The following ZNF384 variants were observed in gnomAD, a reference collection of about 807,000 sequenced individuals.
ZNF384 encodes the protein CAG repeat protein 1.
ZNF384 carries 20 observed loss-of-function variants against 65.0 expected under a neutral mutation model. The observed-to-expected ratio is 0.31, with a 90% CI of 0.22 to 0.45. The LOEUF is 0.45. Among genes scored for constraint, ZNF384 ranks in the 20% least tolerant of loss-of-function variants. The pLI is 1.00. For synonymous variants in ZNF384, 310 were observed against 303.9 expected (o/e 1.02, Z -0.21); for missense variants, 549 against 769.4 (o/e 0.71, Z 3.39).
rs911986059 is a variant in ZNF384 at position 6,681,170 on chromosome 12, G to C, written c.-5-1645C>G. 1.0e-4 allele frequency among the ~76,000 whole-genome samples: 15 copies of C among 146,808 alleles called. No homozygotes were observed. The Admixed American group carries it at 1.0e-3, about 10-fold the overall frequency. ...GGAGGCGGAGGTTGCAGTGAGCCAAGATTGCGCCATTGCCTGGGCAACAAG... is the reference window on the plus strand; with the variant it reads ...GGAGGCGGAGGTTGCAGTGAGCCAACATTGCGCCATTGCCTGGGCAACAAG... On this transcript the variant is annotated intron_variant, in intron 2 of 11. Coordinates refer to ENST00000683879, the MANE Select transcript of ZNF384 (RefSeq NM_001385745.1).
At chr12:6,674,133 G>A (rs969934173) in intron 7 of ZNF384, among the ~76,000 whole-genome samples, 1 of 152,192 alleles carries the variant, frequency 6.6e-6, no homozygotes, top group African/African-American at 2.4e-5. Context: ...GCTAGGGGAA[G>A]GTGCCATCCC....
At chr12:6,681,548 G>A (rs144662067) in intron 2 of ZNF384, among the ~76,000 whole-genome samples, 165 of 152,298 alleles carry the variant, frequency 1.1e-3, no homozygotes, top group African/African-American at 3.9e-3. Context: ...GGGAAGACCC[G>A]TGACAGGCAA....
In ZNF384 at chr12:6,672,685, A is replaced by AGAGG. The variant is rs1366906768; in HGVS notation, c.1005-157_1005-154dup. Reference sequence around the variant, plus strand: ...CACTCCAGCCTGGATAGGCAAATGAAGAGGACACCCAGATCTAGGTTGTTG... The same window carrying AGAGG: ...CACTCCAGCCTGGATAGGCAAATGAAGAGGGAGGACACCCAGATCTAGGTTGTTG... On this transcript the variant is annotated intron_variant, in intron 8 of 11. Coordinates refer to ENST00000683879, the MANE Select transcript of ZNF384 (RefSeq NM_001385745.1). The surrounding 1 kb of genome is among the most constrained non-coding windows in gnomAD (Gnocchi z 4.4). Among the ~76,000 whole-genome samples, 1 of 152,140 alleles carries AGAGG rather than the reference A, an allele frequency of 6.6e-6. No individual in the cohort carries two copies. Among genetic ancestry groups the AGAGG allele is most frequent in the African/African-American group, 2.4e-5 (1 of 41,426 alleles).
intron 9 of ZNF384, 83 bp from the exon 10 acceptor site, chr12:6,670,921 C>A: frequency 7.8e-7 from 1 of 1,277,808 alleles, no homozygotes. Flanking sequence ...CCAGGCCCAT[C>A]CTGCTCTCCT....
At chr12:6,677,820 C>A (rs1033498983) in intron 6 of ZNF384, among the ~76,000 whole-genome samples, 7 of 152,110 alleles carry the variant, frequency 4.6e-5, no homozygotes, top group Non-Finnish European at 1.0e-4. Flanking sequence ...AGCCAAGAGT[C>A]TCAAACCCAG....
In ZNF384 at chr12:6,678,459, A is replaced by C; in HGVS notation, c.354T>G (p.Gly118=). 1 of 1,577,294 alleles carries C rather than the reference A, an allele frequency of 6.3e-7. No homozygotes were observed. Among genetic ancestry groups the C allele is most frequent in the Non-Finnish European group, 8.6e-7 (1 of 1,160,386 alleles). ...AGGGGGACGTGATTACCAAACCCGG[A>C]CCTAGGATTGGGAGAAAAAGGAGAT... The part of the protein sequence containing the change: ...RWRREGSQSR[G]PGLVITSPSG... Residue 118 remains glycine (G), a splice_region_variant and synonymous_variant, in exon 6 of 12, where the codon GGT becomes GGG. Coordinates refer to ENST00000683879, the MANE Select transcript of ZNF384 (RefSeq NM_001385745.1). The surrounding 1 kb of genome is among the most constrained non-coding windows in gnomAD (Gnocchi z 4.9).
At position 6,678,530 on chromosome 12, in the gene ZNF384, C is replaced by G; in HGVS notation, c.353-70G>C. 6.5e-7 allele frequency: 1 copy of G among 1,538,506 alleles called. No homozygotes were observed. The highest frequency in any genetic ancestry group is 8.9e-7 in the Non-Finnish European group (1 of 1,128,144). ...TGATCCTAATCCTATTTCATTTCCC[C>G]CAGATCATTGTCTAATTAACCCCTC... On this transcript the variant is annotated intron_variant, in intron 5 of 11. Transcript: ENST00000683879. The surrounding 1 kb of genome is among the most constrained non-coding windows in gnomAD (Gnocchi z 4.9).
At chr12:6,682,511 G>A (rs1387484918) in intron 2 of ZNF384, among the ~76,000 whole-genome samples, 1 of 152,152 alleles carries the variant, frequency 6.6e-6, no homozygotes, top group Non-Finnish European at 1.5e-5. Context: ...TGCCAGGCAT[G>A]GTGGCAGGTG....
chr12:6,670,049 CT>C (rs1950943775), intron 10 of ZNF384, among the ~76,000 whole-genome samples: 1 of 152,150 alleles, frequency 6.6e-6, no homozygotes, highest in Admixed American at 6.5e-5. Flanking sequence ...ACATGTAACC[CT>C]TACAGAGGTT....
rs1255605731 is a variant in ZNF384 at position 6,673,796 on chromosome 12, T to C, written c.780-356A>G. Among the ~76,000 whole-genome samples the C allele has an allele frequency of 6.6e-6, 1 of 152,230 alleles. No individual in the cohort carries two copies. Among genetic ancestry groups the C allele is most frequent in the Non-Finnish European group, 1.5e-5 (1 of 68,044 alleles). On this transcript the variant is annotated intron_variant, in intron 7 of 11. Coordinates refer to ENST00000683879, the MANE Select transcript of ZNF384 (RefSeq NM_001385745.1). The surrounding 1 kb of genome is among the most constrained non-coding windows in gnomAD (Gnocchi z 4.7). ...AGCTTGATTTCAAACATTTAAGGAA[T>C]TCCTTGCTCTGATGTTCCTATGTAT...
chr12:6,681,150 C>A (rs1353720660), intron 2 of ZNF384, among the ~76,000 whole-genome samples: 1 of 146,408 alleles, frequency 6.8e-6, no homozygotes, highest in African/African-American at 2.5e-5. Context: ...ACCCAGGAGG[C>A]GGAGGTTGCA....
chr12:6,679,424 T>C, intron 3 of ZNF384, 31 bp downstream of exon 3: 2 of 1,605,730 alleles, frequency 1.2e-6, no homozygotes, highest in East Asian at 2.2e-5. Flanking sequence ...CTACTGAGAC[T>C]TGGAGAGAGC....
rs1422508247 is a variant in ZNF384 at position 6,679,039 on chromosome 12, A to C, written c.211T>G (p.Ser71Ala). Residue 71 changes from serine (S) to alanine (A), a missense_variant, in exon 4 of 12, where the codon TCC becomes GCC. By Grantham distance (99) the Ser-to-Ala change is moderately conservative (BLOSUM62 1). Transcript: ENST00000683879. ...TGTGGGGTCAGCTGGTCTGACTTGG[A>C]CTCTGTGTCCATACTGATGCCTGAG... ...LPSGISMDTE[S>A]KSDQLTPHSQ... 6.2e-7 allele frequency: 1 copy of C among 1,613,290 alleles called. No individual in the cohort carries two copies. The highest frequency in any genetic ancestry group is 2.2e-5 in the East Asian group (1 of 44,844).
At position 6,678,119 on chromosome 12, in the gene ZNF384, A is replaced by G. The variant is rs778076119; in HGVS notation, c.686+8T>C. On this transcript the variant is annotated splice_region_variant and intron_variant, in intron 6 of 11. Transcript: ENST00000683879. The surrounding 1 kb of genome is among the most constrained non-coding windows in gnomAD (Gnocchi z 4.9). Reference sequence around the variant, plus strand: ...TCGCCCCATCCTGCCCCTGGCTCTGAGTCTTACCTGTAGGTCTTGCCGTCT... The same window carrying G: ...TCGCCCCATCCTGCCCCTGGCTCTGGGTCTTACCTGTAGGTCTTGCCGTCT... 1.2e-6 allele frequency: 2 copies of G among 1,605,680 alleles called. No individual in the cohort carries two copies. The highest frequency in any genetic ancestry group is 1.7e-6 in the Non-Finnish European group (2 of 1,174,160).
At chr12:6,685,804 A>C (rs905481750) in intron 2 of ZNF384, among the ~76,000 whole-genome samples, 2 of 151,004 alleles carry the variant, frequency 1.3e-5, no homozygotes, top group Non-Finnish European at 3.0e-5. Flanking sequence ...AAAAAAAAGA[A>C]GGCAGGTTTA....
At chr12:6,669,794 G>A (rs1313122863) in intron 10 of ZNF384, among the ~76,000 whole-genome samples, 1 of 152,004 alleles carries the variant, frequency 6.6e-6, no homozygotes, top group East Asian at 1.9e-4. Context: ...GAGCCACCGC[G>A]CCCAGCCAAA....
At position 6,667,968 on chromosome 12, in the gene ZNF384, C is replaced by A. The variant is rs138190709; in HGVS notation, c.1573G>T (p.Ala525Ser). ...AQAQAQAQAQ[A>S]QASQASQQQQ... Reference sequence around the variant, plus strand: ...TGCTGTGATGCCTGGGAGGCCTGGGCCTGGGCCTGGGCTTGAGCCTGAGCC... The same window carrying A: ...TGCTGTGATGCCTGGGAGGCCTGGGACTGGGCCTGGGCTTGAGCCTGAGCC... Residue 525 changes from alanine to serine, a missense_variant, in exon 12 of 12, where the codon GCC (alanine) becomes TCC (serine). Transcript: ENST00000683879. 1.4e-3 allele frequency: 2,255 copies of A among 1,611,844 alleles called. 2 individuals carry two copies. Among genetic ancestry groups the A allele is most frequent in the Admixed American group, 2.0e-3 (118 of 59,776 alleles).
At position 6,667,939 on chromosome 12, in the gene ZNF384, C is replaced by A. The variant is rs762296275; in HGVS notation, c.1602G>T (p.Gln534His). 3.7e-6 allele frequency: 6 copies of A among 1,608,652 alleles called. No homozygotes were observed. The highest frequency in any genetic ancestry group is 5.1e-6 in the Non-Finnish European group (6 of 1,178,004). The change falls in exon 12 of 12, where the codon CAG becomes CAT. Residue 534 changes from glutamine (Q) to histidine (H), a missense_variant. Gln to His is a conservative substitution (Grantham distance 24, BLOSUM62 0). This residue lies in a region of ZNF384 where 136 missense variants were observed against 183.0 expected (regional missense o/e 0.74). Coordinates refer to ENST00000683879, the MANE Select transcript of ZNF384 (RefSeq NM_001385745.1). ...GCTGCTGCTGCTGCTGCTGCTGCTGCTGCTGCTGTGATGCCTGGGAGGCCT... is the reference window on the plus strand; with the variant it reads ...GCTGCTGCTGCTGCTGCTGCTGCTGATGCTGCTGTGATGCCTGGGAGGCCT... ...QAQASQASQQQQQQQQQQQQQ... is the reference protein window; with the variant it reads ...QAQASQASQQHQQQQQQQQQQ...
chr12:6,675,215 A>C (rs2136750212), intron 7 of ZNF384, among the ~76,000 whole-genome samples: 1 of 152,356 alleles, frequency 6.6e-6, no homozygotes, highest in East Asian at 1.9e-4. Context: ...TATAATAATG[A>C]TGATGACCAC....
Sources: gnomAD v4.1 joint callset for allele counts (sites outside exome capture counted in the v4.1 genomes callset) on GRCh38, gnomAD v4.1.1 for gene constraint, gnomAD v4.1.1 regional missense constraint, Gnocchi (gnomAD v3.1) non-coding constraint, MANE v1.5 for transcripts, NCBI Gene and HGNC (gene_info 2026-07-23, HGNC 2026-07-21) for gene names.